The following SIPA1L1 variants were observed in gnomAD, a reference collection of about 807,000 sequenced individuals.
The protein encoded by SIPA1L1 is signal induced proliferation associated 1 like 1.
SIPA1L1 carries 26 observed loss-of-function variants against 162.7 expected under a neutral mutation model. The observed-to-expected ratio is 0.16, with a 90% CI of 0.12 to 0.22. The LOEUF (loss-of-function observed/expected upper bound fraction) is 0.22, where lower values mean the gene tolerates loss of function less well. Among genes scored for constraint, SIPA1L1 ranks in the 10% least tolerant of loss-of-function variants. The pLI is 1.00. For synonymous variants in SIPA1L1, 829 were observed against 837.4 expected, an observed-to-expected ratio of 0.99 and a Z score of 0.17; for missense variants, 1,874 against 2,241.0, an observed-to-expected ratio of 0.84 and a Z score of 3.31.
intron 7 of SIPA1L1, among the ~76,000 whole-genome samples, chr14:71,641,678 G>C (rs2041732559): frequency 6.6e-6 from 1 of 152,184 alleles, no homozygotes; most frequent in East Asian, 1.9e-4. Context: ...AGCCGAGATG[G>C]AGCCACTGCA....
At chr14:71,350,275 G>A (rs555544745) in intron 2 of SIPA1L1, among the ~76,000 whole-genome samples, 62 of 151,964 alleles carry the variant, frequency 4.1e-4, no homozygotes, top group African/African-American at 1.5e-3. Context: ...GGTCATGGTG[G>A]TATGTGCCTG....
At chr14:71,527,359 T>G (rs1218723124) in intron 3 of SIPA1L1, among the ~76,000 whole-genome samples, 1 of 151,960 alleles carries the variant, frequency 6.6e-6, no homozygotes. Flanking sequence ...AAGGAAGATG[T>G]TGAATTTTTT....
intron 7 of SIPA1L1, among the ~76,000 whole-genome samples, chr14:71,637,554 A>G (rs2041284990): frequency 1.3e-5 from 2 of 152,020 alleles, no homozygotes; most frequent in Non-Finnish European, 2.9e-5. Context: ...ACATAGTGAG[A>G]CACTGTCTCT....
At chr14:71,558,477 G>A (rs975564719) in intron 4 of SIPA1L1, among the ~76,000 whole-genome samples, 1 of 152,108 alleles carries the variant, frequency 6.6e-6, no homozygotes, top group African/African-American at 2.4e-5. Flanking sequence ...TTTCTCTCCT[G>A]GGAGAAGGTT....
Position 71,624,080 on chromosome 14 carries a change from C to T in SIPA1L1, c.1662C>T (p.Asp554=), listed in dbSNP as rs759853799. The change falls in exon 7 of 24, where the codon GAC becomes GAT. Residue 554 remains aspartate (D), a synonymous_variant. Transcript: ENST00000381232. ...CACTGAGAGGTTCGGTCCTGGAGGA[C>T]GCCATTCCGTCGACAGCCAAGCACT... ...LMTLRGSVLE[D]AIPSTAKHST... 44 of 1,612,458 alleles carry T rather than the reference C, an allele frequency of 2.7e-5. No individual in the cohort carries two copies. The East Asian group carries it at 3.1e-4, about 11-fold the overall frequency.
chr14:71,571,286 A>G (rs2031954315), intron 4 of SIPA1L1, among the ~76,000 whole-genome samples: 2 of 152,246 alleles, frequency 1.3e-5, no homozygotes, highest in Admixed American at 6.5e-5. Flanking sequence ...CAGGTGGCCC[A>G]GTGTCCAATG....
intron 2 of SIPA1L1, among the ~76,000 whole-genome samples, chr14:71,420,382 G>A (rs1360738712): frequency 1.3e-5 from 2 of 152,150 alleles, no homozygotes; most frequent in East Asian, 3.9e-4. Flanking sequence ...GCATTGAAAG[G>A]CCATCTGACT....
rs777415215 is a variant in SIPA1L1, at chr14:71,356,567, C to CCAAAAAAAAAAAAAAAA, written c.-465+35386_-465+35387insCAAAAAAAAAAAAAAAA. The stretch of plus-strand genomic sequence containing the variant: ...GCAACATAGCAAGACCTTGTCTCTA[C>CCAAAAAAAAAAAAAAAA]AAAAAAAAAAAAAAAAAAAAGCACA... On this transcript the variant is annotated intron_variant, in intron 2 of 23. Coordinates refer to ENST00000381232, the MANE Select transcript of SIPA1L1 (RefSeq NM_001386936.1). 8.9e-4 allele frequency among the ~76,000 whole-genome samples: 35 copies of CCAAAAAAAAAAAAAAAA among 39,162 alleles called. 3 individuals are homozygous for CCAAAAAAAAAAAAAAAA. Among genetic ancestry groups the CCAAAAAAAAAAAAAAAA allele is most frequent in the African/African-American group, 3.7e-3 (34 of 9,168 alleles). The allele number at this position is 39,162 out of a possible 152,430, so 25.7% of individuals were successfully genotyped here. A position where few individuals can be genotyped will look rare whatever the true frequency, so the allele number is the denominator to read the frequency against.
intron 4 of SIPA1L1, among the ~76,000 whole-genome samples, chr14:71,558,903 C>G (rs2056564454): frequency 1.3e-5 from 2 of 152,132 alleles, no homozygotes; most frequent in Admixed American, 6.6e-5. Context: ...AGGCTGATCT[C>G]AAGCTCCTGG....
At position 71,589,020 on chromosome 14, in the gene SIPA1L1, G is replaced by A; in HGVS notation, c.1148G>A (p.Ser383Asn). The A allele has an allele frequency of 6.2e-7, 1 of 1,614,090 alleles. No homozygotes were observed. The change falls in exon 5 of 24, where the codon AGC (serine) becomes AAC (asparagine). Residue 383 changes from serine to asparagine, a missense_variant. By Grantham distance (46) the Ser-to-Asn change is conservative (BLOSUM62 1). Coordinates refer to ENST00000381232, the MANE Select transcript of SIPA1L1 (RefSeq NM_001386936.1). The stretch of plus-strand genomic sequence containing the variant: ...CCTCTGTCTCATTCAGCCAGTTTTA[G>A]CTCCCCAATGGGCAGCACAGAGGAC... ...SGPLSHSASF[S>N]SPMGSTEDLN...
intron 3 of SIPA1L1, among the ~76,000 whole-genome samples, chr14:71,517,400 C>G (rs948945287): frequency 5.9e-5 from 9 of 152,182 alleles, no homozygotes; most frequent in African/African-American, 2.2e-4. Flanking sequence ...CATTTAACAT[C>G]ATGGTTCACT....
At chr14:71,515,828 G>A (rs1289334043) in intron 3 of SIPA1L1, among the ~76,000 whole-genome samples, 1 of 152,124 alleles carries the variant, frequency 6.6e-6, no homozygotes, top group East Asian at 1.9e-4. Flanking sequence ...GTTTAGTAGA[G>A]ATGGGGTTTT....
At chr14:71,471,514 G>A (rs1177328002) in intron 2 of SIPA1L1, among the ~76,000 whole-genome samples, 1 of 152,216 alleles carries the variant, frequency 6.6e-6, no homozygotes, top group Admixed American at 6.5e-5. Flanking sequence ...GTCAGGGACT[G>A]CCTTGGGGGC....
chr14:71,563,685 C>G (rs1412969311), intron 4 of SIPA1L1, among the ~76,000 whole-genome samples: 1 of 152,204 alleles, frequency 6.6e-6, no homozygotes, highest in South Asian at 2.1e-4. Context: ...TCATTCCTTT[C>G]TGCTATAGCA....
chr14:71,705,631 T>C (rs1215659437), intron 16 of SIPA1L1, among the ~76,000 whole-genome samples: 1 of 151,916 alleles, frequency 6.6e-6, no homozygotes, highest in East Asian at 2.0e-4. Context: ...TAGAAGTTGA[T>C]TTTATTTGCT....
intron 2 of SIPA1L1, among the ~76,000 whole-genome samples, chr14:71,511,801 C>T (rs537076456): frequency 1.1e-3 from 160 of 152,284 alleles, no homozygotes; most frequent in Non-Finnish European, 1.9e-3. Flanking sequence ...CATCCCATCC[C>T]GTTAGCTCCA....
At chr14:71,354,779 A>C (rs1052903322) in intron 2 of SIPA1L1, among the ~76,000 whole-genome samples, 1 of 152,208 alleles carries the variant, frequency 6.6e-6, no homozygotes, top group Non-Finnish European at 1.5e-5. Context: ...CTTTGTTCTT[A>C]GGGAAGAATA....
intron 2 of SIPA1L1, among the ~76,000 whole-genome samples, chr14:71,433,296 G>A (rs910715277): frequency 3.3e-5 from 5 of 152,334 alleles, no homozygotes; most frequent in African/African-American, 1.2e-4. Flanking sequence ...TATCAATGGA[G>A]TTTGAAGGTA....
At chr14:71,501,056 C>G (rs2050173361) in intron 2 of SIPA1L1, among the ~76,000 whole-genome samples, 1 of 152,190 alleles carries the variant, frequency 6.6e-6, no homozygotes, top group Non-Finnish European at 1.5e-5. Flanking sequence ...TGCAGCGGCT[C>G]AGGCCTGTAA....
Sources: gnomAD v4.1 joint callset for allele counts (sites outside exome capture counted in the v4.1 genomes callset) on GRCh38, gnomAD v4.1.1 for gene constraint, MANE v1.5 for transcripts, NCBI Gene and HGNC (gene_info 2026-07-23, HGNC 2026-07-21) for gene names.